AIG1: variants seen among roughly 807,000 people sequenced by gnomAD.
AIG1 encodes the protein androgen-induced gene 1 protein.
A neutral mutation model predicts 31.4 loss-of-function variants in AIG1; 23 were observed. The observed-to-expected ratio is 0.73, with a 90% CI of 0.53 to 1.04. The LOEUF (loss-of-function observed/expected upper bound fraction) is 1.04. Ranked by LOEUF, AIG1 falls within the 50% of genes least tolerant of loss-of-function variation. The probability of loss-of-function intolerance (pLI) is 0.00; values close to 1 mark genes in which losing one functional copy is unlikely to be tolerated. For synonymous variants in AIG1, 100 were observed against 110.5 expected (o/e 0.90, Z 0.60); for missense variants, 274 against 295.0 (o/e 0.93, Z 0.52).
chr6:143,169,428 T>G (rs1787281052), intron 3 of AIG1, among the ~76,000 whole-genome samples: 1 of 152,186 alleles, frequency 6.6e-6, no homozygotes, highest in African/African-American at 2.4e-5. Context: ...TCTCAAACAT[T>G]TATTATTTCT....
chr6:143,309,928 A>G (rs1300018066), intron 4 of AIG1, among the ~76,000 whole-genome samples: 1 of 151,982 alleles, frequency 6.6e-6, no homozygotes, highest in African/African-American at 2.4e-5. Context: ...TAATGAAGGG[A>G]TTAATTCACC....
Position 143,326,247 on chromosome 6 carries a change from T to G in AIG1, c.516-7035T>G, listed in dbSNP as rs1776602181. Among the ~76,000 whole-genome samples, 1 of 152,200 alleles carries G rather than the reference T, an allele frequency of 6.6e-6. No individual in the cohort carries two copies. The highest frequency in any genetic ancestry group is 1.9e-4 in the East Asian group (1 of 5,196). On this transcript the variant is annotated intron_variant, in intron 4 of 5. Coordinates refer to ENST00000357847, the MANE Select transcript of AIG1 (RefSeq NM_016108.4). This position sits in a 1 kb window ranked among gnomAD's most constrained non-coding sequence, Gnocchi z 4.5. The stretch of plus-strand genomic sequence containing the variant: ...CCATGGCTTAAAAATCAACCCATGG[T>G]TTGGCACCTGCCTGCTCCTTCTGCC...
chr6:143,196,289 C>T (rs1790215863), intron 3 of AIG1, among the ~76,000 whole-genome samples: 1 of 150,866 alleles, frequency 6.6e-6, no homozygotes, highest in South Asian at 2.1e-4. Context: ...GAGAGAGAAT[C>T]TTTAAAATAA....
At chr6:143,075,015 C>G (rs1777606444) in intron 1 of AIG1, among the ~76,000 whole-genome samples, 1 of 152,140 alleles carries the variant, frequency 6.6e-6, no homozygotes, top group South Asian at 2.1e-4. Flanking sequence ...TATTTGATTT[C>G]AAAATGTAGG....
At chr6:143,125,652 G>T (rs973889461) in intron 1 of AIG1, among the ~76,000 whole-genome samples, 1 of 152,164 alleles carries the variant, frequency 6.6e-6, no homozygotes, top group African/African-American at 2.4e-5. Context: ...CCTGCTGTGT[G>T]TTTATCCAGC....
At chr6:143,074,751 G>A (rs1273447045) in intron 1 of AIG1, among the ~76,000 whole-genome samples, 1 of 152,138 alleles carries the variant, frequency 6.6e-6, no homozygotes, top group Non-Finnish European at 1.5e-5. Flanking sequence ...TTTAGATATA[G>A]CTGGATTTAA....
intron 1 of AIG1, among the ~76,000 whole-genome samples, chr6:143,100,845 C>T (rs1313420138): frequency 1.3e-5 from 2 of 151,958 alleles, no homozygotes. Context: ...CCACTACACC[C>T]GGCTAATTTT....
In AIG1 at chr6:143,279,988, T is replaced by C. The variant is rs1490883540; in HGVS notation, c.400-4122T>C. On this transcript the variant is annotated intron_variant, in intron 3 of 5. Coordinates refer to ENST00000357847, the MANE Select transcript of AIG1 (RefSeq NM_016108.4). This position sits in a 1 kb window ranked among gnomAD's most constrained non-coding sequence, Gnocchi z 5.4. ...GCTCAGCTCCTGGGGAATTGTTCTG[T>C]TGACAATGTACTGCAGAAAACAGTC... Among the ~76,000 whole-genome samples the C allele has an allele frequency of 6.6e-6, 1 of 152,204 alleles. No individual in the cohort carries two copies. The highest frequency in any genetic ancestry group is 1.9e-4 in the East Asian group (1 of 5,192).
chr6:143,136,862 T>C lies in AIG1; in HGVS notation c.169T>C (p.Cys57Arg). 6.8e-7 allele frequency: 1 copy of C among 1,479,318 alleles called. No individual in the cohort carries two copies. Among genetic ancestry groups the C allele is most frequent in the South Asian group, 1.4e-5 (1 of 70,856 alleles). The allele number at this position is 1,479,318 out of a possible 1,614,324, so 91.6% of individuals were successfully genotyped here. Residue 57 changes from cysteine to arginine, a missense_variant, in exon 2 of 6, where the codon TGT becomes CGT. Around this residue, in one of 2 missense-constraint regions of AIG1, gnomAD observed 243 missense variants for 238.5 expected, o/e 1.02. Transcript: ENST00000357847. ...LVIQAVFFGICVLTDLSSLLT... is the reference protein window; with the variant it reads ...LVIQAVFFGIRVLTDLSSLLT... ...TATCCAGGCTGTCTTTTTTGGCATCTGTGTGCTGACTGATCTTTCCAGTCT... is the reference window on the plus strand; with the variant it reads ...TATCCAGGCTGTCTTTTTTGGCATCCGTGTGCTGACTGATCTTTCCAGTCT...
Position 143,284,272 on chromosome 6 carries a change from C to A in AIG1, c.515+47C>A. 7.1e-7 allele frequency: 1 copy of A among 1,399,718 alleles called. No individual in the cohort carries two copies. The highest frequency in any genetic ancestry group is 1.0e-6 in the Non-Finnish European group (1 of 996,986). 86.7% of individuals were successfully genotyped at this position (1,399,718 alleles called of 1,614,324 possible). A position where few individuals can be genotyped will look rare whatever the true frequency, so the allele number is the denominator to read the frequency against. On this transcript the variant is annotated intron_variant, in intron 4 of 5. Coordinates refer to ENST00000357847, the MANE Select transcript of AIG1 (RefSeq NM_016108.4). This position sits in a 1 kb window ranked among gnomAD's most constrained non-coding sequence, Gnocchi z 4.4. ...CTTTCTTATTGTATTAGATTTTGCA[C>A]TGCTAAATTTGGGCACATATTTCAT... is the stretch of plus-strand genomic sequence containing the variant.
intron 3 of AIG1, among the ~76,000 whole-genome samples, chr6:143,242,116 A>C: frequency 6.6e-6 from 1 of 152,186 alleles, no homozygotes; most frequent in East Asian, 1.9e-4. Context: ...GAAAAGCAGT[A>C]GGGAGAAGGG....
intron 3 of AIG1, among the ~76,000 whole-genome samples, chr6:143,183,321 A>G (rs1788917663): frequency 6.6e-6 from 1 of 150,454 alleles, no homozygotes; most frequent in Non-Finnish European, 1.5e-5. Flanking sequence ...TCAGCCTCCC[A>G]AGTAGCTGGG....
At chr6:143,282,405 A>G (rs770730202) in intron 3 of AIG1, among the ~76,000 whole-genome samples, 1 of 152,190 alleles carries the variant, frequency 6.6e-6, no homozygotes, top group Admixed American at 6.5e-5. Flanking sequence ...TTGTAAAACT[A>G]TTGTTGCCAT....
intron 4 of AIG1, among the ~76,000 whole-genome samples, chr6:143,289,090 T>C (rs1173676998): frequency 6.6e-6 from 1 of 152,172 alleles, no homozygotes; most frequent in African/African-American, 2.4e-5. Flanking sequence ...ATGTCTCTTT[T>C]CAGACCCTAA....
chr6:143,172,224 T>C (rs774544407), intron 3 of AIG1, among the ~76,000 whole-genome samples: 10 of 152,178 alleles, frequency 6.6e-5, no homozygotes, highest in Non-Finnish European at 1.2e-4. Flanking sequence ...TTTTGTTGCA[T>C]TTGCTTTTGG....
chr6:143,177,254 C>G (rs1044552707), intron 3 of AIG1, among the ~76,000 whole-genome samples: 1 of 151,940 alleles, frequency 6.6e-6, no homozygotes, highest in African/African-American at 2.4e-5. Flanking sequence ...CCCAGGTTTC[C>G]TTAAGATTGT....
chr6:143,143,437 C>T (rs1784400710), intron 2 of AIG1, among the ~76,000 whole-genome samples: 1 of 128,780 alleles, frequency 7.8e-6, no homozygotes, highest in South Asian at 2.7e-4. Context: ...GGAGGCGGAG[C>T]TTGCAGTGAG....
chr6:143,201,882 C>T (rs1054478077), intron 3 of AIG1, among the ~76,000 whole-genome samples: 4 of 152,182 alleles, frequency 2.6e-5, no homozygotes, highest in African/African-American at 9.7e-5. Context: ...AGTTGTAAAC[C>T]TGATGAGTAG....
At chr6:143,289,944 G>A (rs536479930) in intron 4 of AIG1, among the ~76,000 whole-genome samples, 6 of 152,258 alleles carry the variant, frequency 3.9e-5, no homozygotes, top group Non-Finnish European at 5.9e-5. Flanking sequence ...TGGCCGACAC[G>A]TGTTCTTTGA....
Sources: allele counts gnomAD v4.1 joint callset (sites outside exome capture counted in the v4.1 genomes callset), GRCh38; gene constraint gnomAD v4.1.1; regional missense constraint gnomAD v4.1.1; non-coding constraint Gnocchi (gnomAD v3.1); transcripts MANE v1.5; gene names NCBI Gene and HGNC (gene_info 2026-07-23, HGNC 2026-07-21).